Variants in RALYL observed in about 807,000 individuals in gnomAD.
The protein encoded by RALYL is RALY RNA binding protein like.
Under a neutral mutation model 35.1 loss-of-function variants are expected in RALYL, and 29 were observed. That is an observed-to-expected ratio of 0.83 (90% confidence interval 0.61 to 1.13). The LOEUF (loss-of-function observed/expected upper bound fraction) is 1.13, where lower values mean the gene tolerates loss of function less well. Among genes scored for constraint, RALYL ranks in the 50% most tolerant of loss-of-function variants. The pLI, the probability that RALYL is intolerant of heterozygous loss-of-function variation, is 0.00. For missense variants in RALYL, 359 were observed against 360.4 expected, an observed-to-expected ratio of 1.00 and a Z score of 0.03; for synonymous variants, 120 against 127.6, an observed-to-expected ratio of 0.94 and a Z score of 0.40.
rs564986111 is a variant in RALYL at position 84,369,372 on chromosome 8, G to A, written c.-23-159927G>A. ...GGTCAAAAGAAAGAGATATAGACAA[G>A]CCTCTGCAGGAAACTGTGGTAATTT... On this transcript the variant is annotated intron_variant, in intron 1 of 8. Coordinates refer to ENST00000521268, the MANE Select transcript of RALYL (RefSeq NM_173848.7). Among the ~76,000 whole-genome samples the A allele has an allele frequency of 2.6e-5, 4 of 152,024 alleles. No homozygotes were observed. The East Asian group carries it at 7.8e-4, about 29-fold the overall frequency.
chr8:84,848,173 A>G (rs1835043172), intron 4 of RALYL, among the ~76,000 whole-genome samples: 1 of 152,168 alleles, frequency 6.6e-6, no homozygotes, highest in Non-Finnish European at 1.5e-5. Context: ...AAGAGATGAA[A>G]TCAGGGAATC....
At chr8:84,241,777 C>CAAA (rs35007112) in intron 1 of RALYL, among the ~76,000 whole-genome samples, 2 of 110,570 alleles carry the variant, frequency 1.8e-5, no homozygotes, top group African/African-American at 3.4e-5. Flanking sequence ...GACTGTGTCT[C>CAAA]AAAAAAAAAA....
At chr8:84,425,595 CTT>C (rs2046314739) in intron 1 of RALYL, among the ~76,000 whole-genome samples, 1 of 152,158 alleles carries the variant, frequency 6.6e-6, no homozygotes, top group Non-Finnish European at 1.5e-5. Flanking sequence ...TTTATGAACT[CTT>C]ATACAGCCAC....
At chr8:84,705,980 G>T (rs761618499) in intron 2 of RALYL, 1 of 1,533,922 alleles carries the variant, frequency 6.5e-7, no homozygotes, top group South Asian at 1.2e-5. Flanking sequence ...CTTTGTCTCC[G>T]TGGTCAAATC....
At chr8:84,584,413 G>T (rs558510180) in intron 2 of RALYL, among the ~76,000 whole-genome samples, 4 of 152,074 alleles carry the variant, frequency 2.6e-5, no homozygotes, top group African/African-American at 9.6e-5. Flanking sequence ...GACCACCCTG[G>T]CCAACATGGT....
intron 7 of RALYL, 35 bp downstream of exon 7, chr8:84,873,432 G>T (rs890843244): frequency 1.5e-6 from 2 of 1,291,174 alleles, no homozygotes; most frequent in Non-Finnish European, 1.1e-6. Flanking sequence ...GGTCAGAATT[G>T]AACCAGTGAA....
intron 1 of RALYL, among the ~76,000 whole-genome samples, chr8:84,203,681 A>G (rs1341310705): frequency 6.6e-6 from 1 of 152,182 alleles, no homozygotes; most frequent in East Asian, 1.9e-4. Flanking sequence ...TCTCAAGTGC[A>G]ATATAGATAG....
intron 1 of RALYL, among the ~76,000 whole-genome samples, chr8:84,513,060 G>A (rs2057755654): frequency 1.3e-5 from 2 of 152,084 alleles, no homozygotes; most frequent in Non-Finnish European, 2.9e-5. Flanking sequence ...TGTGAAAAAT[G>A]TCATTGGTAT....
chr8:84,540,780 A>T (rs1389432123), intron 2 of RALYL, among the ~76,000 whole-genome samples: 1 of 152,030 alleles, frequency 6.6e-6, no homozygotes. Flanking sequence ...CAATGATGCC[A>T]ATTGGGTCTG....
intron 8 of RALYL, among the ~76,000 whole-genome samples, chr8:84,903,570 C>A (rs1192679243): frequency 2.6e-5 from 4 of 152,056 alleles, no homozygotes. Flanking sequence ...TTCTGCCTGC[C>A]CAGGAGGTAA....
intron 1 of RALYL, among the ~76,000 whole-genome samples, chr8:84,389,817 T>G (rs998008212): frequency 3.3e-5 from 5 of 150,796 alleles, no homozygotes; most frequent in East Asian, 3.9e-4. Flanking sequence ...CCTCTTTTCC[T>G]AATTGAATAC....
At chr8:84,909,894 C>T (rs1350315555) in intron 8 of RALYL, among the ~76,000 whole-genome samples, 3 of 152,048 alleles carry the variant, frequency 2.0e-5, no homozygotes, top group South Asian at 2.1e-4. Flanking sequence ...ATTTAAAGAA[C>T]CCAGGTATAT....
At position 84,435,464 on chromosome 8, in the gene RALYL, T is replaced by C. The variant is rs187030846; in HGVS notation, c.-23-93835T>C. 1.2e-3 allele frequency among the ~76,000 whole-genome samples: 188 copies of C among 152,286 alleles called. 2 individuals are homozygous for C. The highest frequency in any genetic ancestry group is 3.7e-3 in the African/African-American group (155 of 41,582). On this transcript the variant is annotated intron_variant, in intron 1 of 8. Coordinates refer to ENST00000521268, the MANE Select transcript of RALYL (RefSeq NM_173848.7). ...AACAACACTAAATAATTAGTAGTTT[T>C]CAGAAATTTTAGAGAAAAAAGGGAA... is the stretch of plus-strand genomic sequence containing the variant.
intron 2 of RALYL, among the ~76,000 whole-genome samples, chr8:84,672,855 T>A (rs1833527726): frequency 6.6e-6 from 1 of 152,146 alleles, no homozygotes; most frequent in Non-Finnish European, 1.5e-5. Flanking sequence ...AGAGGAGATT[T>A]GGGTGAGGGC....
chr8:84,914,254 A>G (rs976812886), intron 8 of RALYL, among the ~76,000 whole-genome samples: 5 of 152,028 alleles, frequency 3.3e-5, no homozygotes, highest in Admixed American at 2.6e-4. Context: ...GGCTTTTCGC[A>G]CTAGCATTAA....
At chr8:84,802,663 C>G (rs1366336592) in intron 3 of RALYL, among the ~76,000 whole-genome samples, 2 of 152,092 alleles carry the variant, frequency 1.3e-5, no homozygotes, top group African/African-American at 4.8e-5. Flanking sequence ...ATTCTGAACT[C>G]AGTATTTTGA....
chr8:84,525,287 G>A (rs2058794031), intron 1 of RALYL, among the ~76,000 whole-genome samples: 2 of 151,982 alleles, frequency 1.3e-5, no homozygotes, highest in South Asian at 4.1e-4. Context: ...CAGACAGTTT[G>A]TTTGCACTGA....
At position 84,816,613 on chromosome 8, in the gene RALYL, C is replaced by G. The variant is rs917763994; in HGVS notation, c.365+11811C>G. 7.9e-5 allele frequency among the ~76,000 whole-genome samples: 12 copies of G among 151,822 alleles called. No individual in the cohort carries two copies. In the East Asian group the frequency reaches 2.3e-3, roughly 29 times the overall value. On this transcript the variant is annotated intron_variant, in intron 4 of 8. Coordinates refer to ENST00000521268, the MANE Select transcript of RALYL (RefSeq NM_173848.7). ...TTCCCAGGTTTGGTTGGAAGATCTT[C>G]AAGAATACATCACTGGGGCAGGGGC...
intron 2 of RALYL, among the ~76,000 whole-genome samples, chr8:84,694,933 A>G (rs1456190135): frequency 1.3e-5 from 2 of 151,764 alleles, no homozygotes; most frequent in Non-Finnish European, 2.9e-5. Context: ...CTTTTTATGT[A>G]TTAACTCATT....
Sources: allele counts gnomAD v4.1 joint callset (sites outside exome capture counted in the v4.1 genomes callset), GRCh38; gene constraint gnomAD v4.1.1; transcripts MANE v1.5; gene names NCBI Gene and HGNC (gene_info 2026-07-23, HGNC 2026-07-21).